Variants in RBM19 observed in about 807,000 individuals in gnomAD.
RBM19 encodes RNA binding motif protein 19.
In RBM19, 94 loss-of-function variants were observed where a neutral mutation model predicts 116.8. That is an observed-to-expected ratio of 0.80 (90% CI 0.68 to 0.95). The LOEUF is 0.95. Ranked by LOEUF, RBM19 falls within the 40% of genes least tolerant of loss-of-function variation. The pLI, the probability that RBM19 is intolerant of heterozygous loss-of-function variation, is 0.00. For missense variants in RBM19, 1,161 were observed against 1,220.7 expected, an observed-to-expected ratio of 0.95 and a Z score of 0.73; for synonymous variants, 475 against 494.1, an observed-to-expected ratio of 0.96 and a Z score of 0.51.
chr12:113,964,903 G>A (rs558278605), intron 1 of RBM19, among the ~76,000 whole-genome samples: 74 of 150,300 alleles, frequency 4.9e-4, no homozygotes, highest in South Asian at 2.3e-3. Context: ...TTTGAAAACT[G>A]TGTGTTACAA....
chr12:113,966,325 C>A lies in RBM19; in HGVS notation c.-98G>T, dbSNP rs529595675. 2 of 1,488,826 alleles carry A rather than the reference C, an allele frequency of 1.3e-6. No individual in the cohort carries two copies. Among genetic ancestry groups the A allele is most frequent in the African/African-American group, 2.8e-5 (2 of 72,334 alleles). 92.2% of individuals were successfully genotyped at this position (1,488,826 alleles called of 1,614,324 possible). A position where few individuals can be genotyped will look rare whatever the true frequency, so the allele number is the denominator to read the frequency against. Reference sequence around the variant, plus strand: ...CTGGGCGCCGCCATCTTTACCGAGCCGGAACACAGTCACGTGGCTGAGACC... The same window carrying A: ...CTGGGCGCCGCCATCTTTACCGAGCAGGAACACAGTCACGTGGCTGAGACC... On this transcript the variant is annotated 5_prime_UTR_variant, in exon 1 of 24. Transcript: ENST00000261741.
chr12:113,845,926 C>T (rs975605767), intron 22 of RBM19, among the ~76,000 whole-genome samples: 1 of 152,200 alleles, frequency 6.6e-6, no homozygotes, highest in Non-Finnish European at 1.5e-5. Flanking sequence ...GACTCTGTTT[C>T]CTTATCCATA....
chr12:113,915,699 T>C (rs1381352726), intron 20 of RBM19, among the ~76,000 whole-genome samples: 2 of 152,240 alleles, frequency 1.3e-5, no homozygotes, highest in African/African-American at 4.8e-5. Flanking sequence ...ATCTCTGCGA[T>C]CTTGGGCAAG....
At chr12:113,895,690 G>A (rs941085580) in intron 21 of RBM19, among the ~76,000 whole-genome samples, 2 of 152,156 alleles carry the variant, frequency 1.3e-5, no homozygotes, top group African/African-American at 4.8e-5. Flanking sequence ...GGTGGCACAA[G>A]ACTTGGGTGG....
Position 113,942,545 on chromosome 12 carries a change from G to A in RBM19, c.1627-111C>T. The A allele has an allele frequency of 3.7e-6, 3 of 810,174 alleles. No homozygotes were observed. The South Asian group carries it at 5.1e-5, about 14-fold the overall frequency. 50.2% of individuals were successfully genotyped at this position (810,174 alleles called of 1,614,324 possible). ...GGCTGGGATGGAAATGGATTCCACG[G>A]ATGCCGCTCACCTTCCTACATTGAT... On this transcript the variant is annotated intron_variant, in intron 13 of 23. Coordinates refer to ENST00000261741, the MANE Select transcript of RBM19 (RefSeq NM_016196.4).
intron 16 of RBM19, among the ~76,000 whole-genome samples, chr12:113,927,925 T>C (rs1778199029): frequency 6.6e-6 from 1 of 152,216 alleles, no homozygotes; most frequent in East Asian, 1.9e-4. Context: ...ATTAAAAATG[T>C]CGTTTCCGAA....
chr12:113,933,938 T>C (rs987457975), intron 16 of RBM19, among the ~76,000 whole-genome samples: 2 of 152,150 alleles, frequency 1.3e-5, no homozygotes, highest in African/African-American at 2.4e-5. Flanking sequence ...CTATCCACTG[T>C]GCCATATTTT....
downstream of RBM19, among the ~76,000 whole-genome samples, chr12:113,820,732 C>A (rs1415824096): frequency 1.3e-5 from 2 of 152,154 alleles, 1 homozygote; most frequent in East Asian, 3.9e-4. Flanking sequence ...CACAGATCTG[C>A]CCCTTCCAAA....
intron 21 of RBM19, among the ~76,000 whole-genome samples, chr12:113,892,301 C>T (rs1881012651): frequency 6.6e-6 from 1 of 152,166 alleles, no homozygotes; most frequent in South Asian, 2.1e-4. Context: ...ATCTCCTCAT[C>T]TGTGCGGTGG....
chr12:113,895,659 A>G (rs1881271056), intron 21 of RBM19, among the ~76,000 whole-genome samples: 2 of 152,224 alleles, frequency 1.3e-5, no homozygotes, highest in South Asian at 2.1e-4. Flanking sequence ...AATGAGTGGC[A>G]TGAATTTCTC....
intron 21 of RBM19, among the ~76,000 whole-genome samples, chr12:113,866,956 C>G (rs77707178): frequency 6.6e-6 from 1 of 152,204 alleles, no homozygotes. Flanking sequence ...GGTACCACGT[C>G]CTACATTTGG....
At chr12:113,966,010 A>C in intron 1 of RBM19, 182 bp downstream of exon 1, 1 of 660,412 alleles carries the variant, frequency 1.5e-6, no homozygotes, top group Non-Finnish European at 2.6e-6. Context: ...AGCAGTCACT[A>C]TTCCTCTTTC....
chr12:113,939,833 T>C (rs1870395652), intron 15 of RBM19, 127 bp downstream of exon 15: 1 of 954,796 alleles, frequency 1.0e-6, no homozygotes, highest in East Asian at 2.5e-5. Context: ...GCCATGATCG[T>C]GACGGGCGGT....
intron 21 of RBM19, among the ~76,000 whole-genome samples, chr12:113,889,561 C>A (rs896254737): frequency 6.6e-6 from 1 of 152,138 alleles, no homozygotes; most frequent in Admixed American, 6.5e-5. Context: ...ACCAGCCCCA[C>A]GGGTCCTCAG....
At chr12:113,836,442 TA>T (rs1218173463) in intron 23 of RBM19, among the ~76,000 whole-genome samples, 9 of 151,938 alleles carry the variant, frequency 5.9e-5, no homozygotes, top group Admixed American at 4.6e-4. Context: ...CAAGGAAAAA[TA>T]TAATGCCCTG....
intron 20 of RBM19, 39 bp from the exon 21 acceptor site, chr12:113,915,124 C>A: frequency 1.3e-6 from 2 of 1,492,660 alleles, no homozygotes; most frequent in Non-Finnish European, 9.3e-7. Flanking sequence ...TTATTCGGAG[C>A]TTCAGCAGCT....
chr12:113,955,891 G>A (rs565197702), intron 6 of RBM19, among the ~76,000 whole-genome samples: 1 of 152,330 alleles, frequency 6.6e-6, no homozygotes, highest in African/African-American at 2.4e-5. Flanking sequence ...GGTAGGCAGA[G>A]GGGAGTGAGC....
rs140463766 is a variant in RBM19 at position 113,880,183 on chromosome 12, A to C, written c.2559-21287T>G. On this transcript the variant is annotated intron_variant, in intron 21 of 23. Transcript: ENST00000261741. Reference sequence around the variant, plus strand: ...TACTGTATGGGACATACTTATGCCCAAAAAAACAAAACAAAACAAAACAAA... The same window carrying C: ...TACTGTATGGGACATACTTATGCCCCAAAAAACAAAACAAAACAAAACAAA... Among the ~76,000 whole-genome samples, 503 of 152,096 alleles carry C rather than the reference A, an allele frequency of 3.3e-3. 4 individuals carry two copies. The highest frequency in any genetic ancestry group is 0.011 in the African/African-American group (470 of 41,470).
At chr12:113,910,832 C>T (rs1463823625) in intron 21 of RBM19, among the ~76,000 whole-genome samples, 1 of 152,182 alleles carries the variant, frequency 6.6e-6, no homozygotes, top group Non-Finnish European at 1.5e-5. Context: ...AGACCCTCTC[C>T]ACCAAACGCT....
Sources: allele counts gnomAD v4.1 joint callset (sites outside exome capture counted in the v4.1 genomes callset), GRCh38; gene constraint gnomAD v4.1.1; transcripts MANE v1.5; gene names NCBI Gene and HGNC (gene_info 2026-07-23, HGNC 2026-07-21).